Variants in ZNF197 observed in about 807,000 individuals in gnomAD.
ZNF197 encodes zinc finger protein 197.
Under a neutral mutation model 27.4 loss-of-function variants are expected in ZNF197, and 14 were observed. The observed-to-expected ratio is 0.51, with a 90% CI of 0.34 to 0.80. The LOEUF (loss-of-function observed/expected upper bound fraction) is 0.80. Among genes scored for constraint, ZNF197 ranks in the 30% least tolerant of loss-of-function variants. The pLI is 0.02. For synonymous variants in ZNF197, 415 were observed against 420.0 expected (o/e 0.99, Z 0.15); for missense variants, 1,090 against 1,222.6 (o/e 0.89, Z 1.62).
rs1702883822 is a variant in ZNF197 at position 44,645,115 on chromosome 3, T to TA, written c.*896dup. 1 of 971,880 alleles carries TA rather than the reference T, an allele frequency of 1.0e-6. No homozygotes were observed. Among genetic ancestry groups the TA allele is most frequent in the African/African-American group, 1.8e-5 (1 of 56,902 alleles). 60.2% of individuals were successfully genotyped at this position (971,880 alleles called of 1,614,324 possible). A position where few individuals can be genotyped will look rare whatever the true frequency, so the allele number is the denominator to read the frequency against. On this transcript the variant is annotated 3_prime_UTR_variant, in exon 6 of 6. Transcript: ENST00000344387. ...CTTTCCCTTAATGGCCATGTGATGT[T>TA]ATTAAGTCAGCCTCTAAAGCTTTAG...
rs1702915860 is a variant in ZNF197, at chr3:44,645,685, C to G, written c.*1465C>G. On this transcript the variant is annotated 3_prime_UTR_variant, in exon 6 of 6. Transcript: ENST00000344387. Reference sequence around the variant, plus strand: ...TGCCACAGTCATTGTGAATTCTAATCAATATTTCATCATTGCTGTCAAATG... The same window carrying G: ...TGCCACAGTCATTGTGAATTCTAATGAATATTTCATCATTGCTGTCAAATG... 17 of 985,412 alleles carry G rather than the reference C, an allele frequency of 1.7e-5. No homozygotes were observed. The highest frequency in any genetic ancestry group is 2.0e-5 in the Non-Finnish European group (17 of 829,940). The allele number at this position is 985,412 out of a possible 1,614,324, so 61.0% of individuals were successfully genotyped here. A position where few individuals can be genotyped will look rare whatever the true frequency, so the allele number is the denominator to read the frequency against.
chr3:44,635,656 A>C (rs1702245545), intron 5 of ZNF197, among the ~76,000 whole-genome samples: 1 of 152,188 alleles, frequency 6.6e-6, no homozygotes, highest in Non-Finnish European at 1.5e-5. Flanking sequence ...TAAAACTTGA[A>C]GGAAAGTATT....
At position 44,644,750 on chromosome 3, in the gene ZNF197, TG is replaced by T. The variant is rs1199002764; in HGVS notation, c.*532del. ...AAAAGTAGACATGGGCTGGGTGCAG[TG>T]GCTCACTCCTGTAGTCCCAGGACTT... On this transcript the variant is annotated 3_prime_UTR_variant, in exon 6 of 6. Transcript: ENST00000344387. 8 of 985,612 alleles carry T rather than the reference TG, an allele frequency of 8.1e-6. No individual in the cohort carries two copies. The African/African-American group carries it at 1.4e-4, about 17-fold the overall frequency. 61.1% of individuals were successfully genotyped at this position (985,612 alleles called of 1,614,324 possible).
In ZNF197 at chr3:44,646,480, C is replaced by T; in HGVS notation, c.*2260C>T. 1 of 1,607,766 alleles carries T rather than the reference C, an allele frequency of 6.2e-7. No individual in the cohort carries two copies. The highest frequency in any genetic ancestry group is 8.5e-7 in the Non-Finnish European group (1 of 1,174,462). ...CTGAATTTAATCAAGCTTCTTGGAC[C>T]TCATTGCCAGGTTACAGGAAATACA... On this transcript the variant is annotated 3_prime_UTR_variant, in exon 6 of 6. Coordinates refer to ENST00000344387, the MANE Select transcript of ZNF197 (RefSeq NM_006991.5).
chr3:44,625,696 C>G (rs1406131500), intron 1 of ZNF197, among the ~76,000 whole-genome samples: 1 of 152,138 alleles, frequency 6.6e-6, no homozygotes, highest in Non-Finnish European at 1.5e-5. Flanking sequence ...CATTTTAACA[C>G]AAAGTACTAA....
In ZNF197 at chr3:44,629,395, A is replaced by C; in HGVS notation, c.241A>C (p.Ile81Leu). ...LRPEARTKAQ[I>L]LELLVLEQFL... ...ACCAGAAGCACGCACCAAGGCACAG[A>C]TCCTGGAGCTGCTGGTGCTGGAGCA... Residue 81 changes from isoleucine to leucine, a missense_variant, in exon 2 of 6, where the codon ATC becomes CTC. Transcript: ENST00000344387. The C allele has an allele frequency of 6.2e-7, 1 of 1,614,134 alleles. No homozygotes were observed. Among genetic ancestry groups the C allele is most frequent in the Non-Finnish European group, 8.5e-7 (1 of 1,180,024 alleles).
rs542470262 is a variant in ZNF197 at position 44,645,923 on chromosome 3, G to C, written c.*1703G>C. On this transcript the variant is annotated 3_prime_UTR_variant, in exon 6 of 6. Coordinates refer to ENST00000344387, the MANE Select transcript of ZNF197 (RefSeq NM_006991.5). ...ATATTCTTAAGTTGGTAATTTTTAT[G>C]TTGTAATTCTCAAAGTTCTGTTTCT... is the stretch of plus-strand genomic sequence containing the variant. 1.0e-6 allele frequency: 1 copy of C among 985,290 alleles called. No individual in the cohort carries two copies. The highest frequency in any genetic ancestry group is 6.1e-5 in the Admixed American group (1 of 16,268). 61.0% of individuals were successfully genotyped at this position (985,290 alleles called of 1,614,324 possible). A position where few individuals can be genotyped will look rare whatever the true frequency, so the allele number is the denominator to read the frequency against.
intron 5 of ZNF197, among the ~76,000 whole-genome samples, chr3:44,638,685 A>G (rs1702437125): frequency 6.6e-6 from 1 of 152,078 alleles, no homozygotes. Flanking sequence ...GTCTTTCACC[A>G]TGAAATATAA....
intron 5 of ZNF197, among the ~76,000 whole-genome samples, chr3:44,638,546 A>G (rs557739006): frequency 3.9e-5 from 6 of 152,316 alleles, no homozygotes; most frequent in African/African-American, 1.4e-4. Context: ...TTCTTCCTTT[A>G]CAATCTGGAT....
rs1702538505 is a variant in ZNF197 at position 44,640,451 on chromosome 3, C to T, written c.770-1449C>T. Among the ~76,000 whole-genome samples, 1 of 150,818 alleles carries T rather than the reference C, an allele frequency of 6.6e-6. No homozygotes were observed. Among genetic ancestry groups the T allele is most frequent in the African/African-American group, 2.4e-5 (1 of 40,944 alleles). ...GGAATGCAGTGGTGTGATCTCGGCTCACTGCAACCTCTACCTCCCTGGTTC... is the reference window on the plus strand; with the variant it reads ...GGAATGCAGTGGTGTGATCTCGGCTTACTGCAACCTCTACCTCCCTGGTTC... On this transcript the variant is annotated intron_variant, in intron 5 of 5. Transcript: ENST00000344387. The surrounding 1 kb of genome is among the most constrained non-coding windows in gnomAD (Gnocchi z 4.0).
chr3:44,642,780 C>G lies in ZNF197; in HGVS notation c.1650C>G (p.Thr550=). 1 of 1,613,362 alleles carries G rather than the reference C, an allele frequency of 6.2e-7. No individual in the cohort carries two copies. The highest frequency in any genetic ancestry group is 1.1e-5 in the South Asian group (1 of 90,988). Residue 550 remains threonine, a synonymous_variant, in exon 6 of 6, where the codon ACC becomes ACG. Transcript: ENST00000344387. ...CDECGKTFAQ[T]TYLIDHQRLH... ...AATGTGGAAAGACCTTTGCTCAGACCACTTATCTTATTGACCATCAGCGAC... is the reference window on the plus strand; with the variant it reads ...AATGTGGAAAGACCTTTGCTCAGACGACTTATCTTATTGACCATCAGCGAC...
rs566844850 is a variant in ZNF197 at position 44,648,384 on chromosome 3, A to T, written c.*4164A>T. The T allele has an allele frequency of 6.6e-6, 1 of 152,376 alleles. No individual in the cohort carries two copies. Among genetic ancestry groups the T allele is most frequent in the Non-Finnish European group, 1.5e-5 (1 of 68,034 alleles). 9.4% of individuals were successfully genotyped at this position (152,376 alleles called of 1,614,324 possible). The stretch of plus-strand genomic sequence containing the variant: ...TAGCAAAATGTTCATTGTTGAGTCC[A>T]CATGGAAAATACGGGTATTCAATGT... On this transcript the variant is annotated 3_prime_UTR_variant, in exon 6 of 6. Coordinates refer to ENST00000344387, the MANE Select transcript of ZNF197 (RefSeq NM_006991.5).
At chr3:44,636,725 A>G (rs1374343357) in intron 5 of ZNF197, among the ~76,000 whole-genome samples, 1 of 152,198 alleles carries the variant, frequency 6.6e-6, no homozygotes, top group East Asian at 1.9e-4. Context: ...TCTACCTAGA[A>G]GTAGAATTGC....
intron 5 of ZNF197, 131 bp downstream of exon 5, chr3:44,632,730 C>A: frequency 9.2e-7 from 1 of 1,087,860 alleles, no homozygotes; most frequent in Non-Finnish European, 1.2e-6. Context: ...CCTTCCTTAA[C>A]ATCGCTATTT....
In ZNF197 at chr3:44,634,521, C is replaced by T. The variant is rs1702175932; in HGVS notation, c.769+1922C>T. ...CTGGAGTGCAGTGGCGTGATCTCAG[C>T]TCACTGTAACCTCTGCCTCCTGGGT... On this transcript the variant is annotated intron_variant, in intron 5 of 5. Coordinates refer to ENST00000344387, the MANE Select transcript of ZNF197 (RefSeq NM_006991.5). Among the ~76,000 whole-genome samples, 3 of 151,998 alleles carry T rather than the reference C, an allele frequency of 2.0e-5. No individual in the cohort carries two copies. The South Asian group carries it at 6.2e-4, about 31-fold the overall frequency.
chr3:44,629,062 G>T lies in ZNF197; in HGVS notation c.-81-12G>T. 2.7e-6 allele frequency: 4 copies of T among 1,501,292 alleles called. No individual in the cohort carries two copies. The highest frequency in any genetic ancestry group is 3.6e-6 in the Non-Finnish European group (4 of 1,125,358). The allele number at this position is 1,501,292 out of a possible 1,614,324, so 93.0% of individuals were successfully genotyped here. A position where few individuals can be genotyped will look rare whatever the true frequency, so the allele number is the denominator to read the frequency against. ...GGGCTAACTTTAACAATGATTTCTT[G>T]AGGTCTTGTAGATGATACTCTCCAA... On this transcript the variant is annotated splice_polypyrimidine_tract_variant and intron_variant, in intron 1 of 5. Coordinates refer to ENST00000344387, the MANE Select transcript of ZNF197 (RefSeq NM_006991.5).
In ZNF197 at chr3:44,632,604, G is replaced by C; in HGVS notation, c.769+5G>C. ...ATGGAAATGTGACCTCCCTAGGTAA[G>C]GATTCTTCTTTCTATGATGCTTACC... On this transcript the variant is annotated splice_donor_5th_base_variant and intron_variant, in intron 5 of 5. Coordinates refer to ENST00000344387, the MANE Select transcript of ZNF197 (RefSeq NM_006991.5). 6.5e-7 allele frequency: 1 copy of C among 1,529,346 alleles called. No individual in the cohort carries two copies. Among genetic ancestry groups the C allele is most frequent in the Non-Finnish European group, 8.8e-7 (1 of 1,137,058 alleles). The allele number at this position is 1,529,346 out of a possible 1,614,324, so 94.7% of individuals were successfully genotyped here. A position where few individuals can be genotyped will look rare whatever the true frequency, so the allele number is the denominator to read the frequency against.
In ZNF197 at chr3:44,643,502, AGT is replaced by A; in HGVS notation, c.2376_2377del (p.Cys792Ter). 1 of 1,614,198 alleles carries A rather than the reference AGT, an allele frequency of 6.2e-7. No individual in the cohort carries two copies. The highest frequency in any genetic ancestry group is 8.5e-7 in the Non-Finnish European group (1 of 1,180,022). ...ATCCACAGTGGTGAGAAACCCTATGAGTGTGATGAGTGTGGCAAATGCTTCAT... is the reference window on the plus strand; with the variant it reads ...ATCCACAGTGGTGAGAAACCCTATGAGTGATGAGTGTGGCAAATGCTTCAT... On this transcript the variant is annotated frameshift_variant, in exon 6 of 6. Transcript: ENST00000344387. LOFTEE classifies it low-confidence loss of function (END_TRUNC).
rs777865059 is a variant in ZNF197, at chr3:44,643,385, A to G, written c.2255A>G (p.His752Arg). 14 of 1,614,226 alleles carry G rather than the reference A, an allele frequency of 8.7e-6. No individual in the cohort carries two copies. Among genetic ancestry groups the G allele is most frequent in the East Asian group, 2.2e-5 (1 of 44,886 alleles). The change falls in exon 6 of 6, where the codon CAT becomes CGT. Residue 752 changes from histidine (H) to arginine (R), a missense_variant. By Grantham distance (29) the His-to-Arg change is conservative. Transcript: ENST00000344387. ...AFSYNSSLLV[H>R]RRIHTGEKPF... Reference sequence around the variant, plus strand: ...AGTTACAATTCAAGCCTGCTTGTACATCGGAGAATCCACACCGGAGAAAAA... The same window carrying G: ...AGTTACAATTCAAGCCTGCTTGTACGTCGGAGAATCCACACCGGAGAAAAA...
Sources: gnomAD v4.1 joint callset for allele counts (sites outside exome capture counted in the v4.1 genomes callset) on GRCh38, gnomAD v4.1.1 for gene constraint, Gnocchi (gnomAD v3.1) non-coding constraint, MANE v1.5 for transcripts, NCBI Gene and HGNC (gene_info 2026-07-23, HGNC 2026-07-21) for gene names.